Variants in FYB1 observed in about 807,000 individuals in gnomAD.
The protein encoded by FYB1 is FYN binding protein 1.
In FYB1, 41 loss-of-function variants were observed where a neutral mutation model predicts 94.1. The observed-to-expected ratio is 0.44, with a 90% CI of 0.34 to 0.57. FYB1 has a LOEUF of 0.57. FYB1 is among the 20% of genes least tolerant of loss of function. The probability of loss-of-function intolerance (pLI) is 0.02; values close to 1 mark genes in which losing one functional copy is unlikely to be tolerated. For missense variants in FYB1, 1,050 were observed against 976.8 expected (o/e 1.07, Z -1.00); for synonymous variants, 367 against 353.2 (o/e 1.04, Z -0.44).
intron 1 of FYB1, among the ~76,000 whole-genome samples, chr5:39,256,152 T>A (rs1044810064): frequency 1.2e-4 from 18 of 152,208 alleles, no homozygotes; most frequent in Admixed American, 9.2e-4. Flanking sequence ...AATGCAAAAA[T>A]ATGGTGTGTT....
chr5:39,203,876 G>T (rs755867435), intron 1 of FYB1, among the ~76,000 whole-genome samples: 6 of 152,076 alleles, frequency 3.9e-5, no homozygotes, highest in African/African-American at 7.2e-5. Flanking sequence ...TTTTCTCTGT[G>T]AATGTAATCC....
In FYB1 at chr5:39,234,804, A is replaced by G. The variant is rs1310718514; in HGVS notation, c.-27-31817T>C. Among the ~76,000 whole-genome samples, 4 of 151,782 alleles carry G rather than the reference A, an allele frequency of 2.6e-5. No homozygotes were observed. In the East Asian group the frequency reaches 7.7e-4, roughly 29 times the overall value. On this transcript the variant is annotated intron_variant, in intron 1 of 1. Transcript: ENST00000510188. ...AAGTAACAGGAACAGAAAACCAAACACCACATGTTCTTACTCATAAGTGGG... is the reference window on the plus strand; with the variant it reads ...AAGTAACAGGAACAGAAAACCAAACGCCACATGTTCTTACTCATAAGTGGG...
intron 2 of FYB1, among the ~76,000 whole-genome samples, chr5:39,156,317 C>T (rs1743747911): frequency 6.6e-6 from 1 of 152,068 alleles, no homozygotes; most frequent in Admixed American, 6.5e-5. Context: ...TTGAGAAACC[C>T]AGGAAGGGGT....
chr5:39,260,110 A>G (rs1752151278), intron 1 of FYB1, among the ~76,000 whole-genome samples: 1 of 152,234 alleles, frequency 6.6e-6, no homozygotes, highest in African/African-American at 2.4e-5. Context: ...AGGTGATCAG[A>G]GACTAGCTTT....
At chr5:39,227,357 C>A (rs1157459517) in intron 1 of FYB1, among the ~76,000 whole-genome samples, 4 of 152,030 alleles carry the variant, frequency 2.6e-5, no homozygotes. Context: ...ATAGGGGATG[C>A]CAATAGTATT....
At chr5:39,134,634 G>T (rs764406218) in intron 8 of FYB1, among the ~76,000 whole-genome samples, 1 of 152,110 alleles carries the variant, frequency 6.6e-6, no homozygotes, top group Non-Finnish European at 1.5e-5. Flanking sequence ...AATGCTGTTC[G>T]TTCCTCCTGG....
intron 17 of FYB1, among the ~76,000 whole-genome samples, chr5:39,109,542 T>C (rs1322015362): frequency 6.6e-6 from 1 of 152,134 alleles, no homozygotes; most frequent in Non-Finnish European, 1.5e-5. Context: ...GGTATTATGA[T>C]TATTTTTCTT....
Position 39,111,881 on chromosome 5 carries a change from A to G in FYB1, c.2402-1492T>C, listed in dbSNP as rs534413798. On this transcript the variant is annotated intron_variant, in intron 16 of 18. Transcript: ENST00000512982. ...ATTAGAACACGTTGCACCTTCCTTT[A>G]TATTTCAATTAATGCAAAAGTAGCA... Among the ~76,000 whole-genome samples, 3 of 152,062 alleles carry G rather than the reference A, an allele frequency of 2.0e-5. No homozygotes were observed. The East Asian group carries it at 5.8e-4, about 29-fold the overall frequency.
chr5:39,128,063 A>G (rs1740851990), intron 10 of FYB1, among the ~76,000 whole-genome samples: 1 of 152,094 alleles, frequency 6.6e-6, no homozygotes, highest in Non-Finnish European at 1.5e-5. Context: ...CATGAGAAAA[A>G]GTAAACTTAA....
intron 3 of FYB1, among the ~76,000 whole-genome samples, chr5:39,146,556 C>G (rs1742674550): frequency 6.6e-6 from 1 of 152,016 alleles, no homozygotes; most frequent in Non-Finnish European, 1.5e-5. Context: ...ACTTTTATTA[C>G]TAAAGCAAAT....
rs1741090215 is a variant in FYB1, at chr5:39,130,452, T to C, written c.1840+138A>G. On this transcript the variant is annotated intron_variant, in intron 10 of 18. Coordinates refer to ENST00000512982, the MANE Select transcript of FYB1 (RefSeq NM_001465.6). ...AACACATAAAAATGATAAATGCTCATGATGATGGATAGCCTAAATACGCTG... is the reference window on the plus strand; with the variant it reads ...AACACATAAAAATGATAAATGCTCACGATGATGGATAGCCTAAATACGCTG... 3 of 668,780 alleles carry C rather than the reference T, an allele frequency of 4.5e-6. No individual in the cohort carries two copies. In the Admixed American group the frequency reaches 7.7e-5, roughly 17 times the overall value. 41.4% of individuals were successfully genotyped at this position (668,780 alleles called of 1,614,324 possible). A position where few individuals can be genotyped will look rare whatever the true frequency, so the allele number is the denominator to read the frequency against.
chr5:39,175,503 G>A (rs1745639992), intron 2 of FYB1, among the ~76,000 whole-genome samples: 1 of 152,114 alleles, frequency 6.6e-6, no homozygotes, highest in Non-Finnish European at 1.5e-5. Flanking sequence ...CCTTCTTCTG[G>A]GACTTATAAA....
At chr5:39,188,966 A>G (rs573192170) in intron 2 of FYB1, among the ~76,000 whole-genome samples, 1 of 152,328 alleles carries the variant, frequency 6.6e-6, no homozygotes, top group South Asian at 2.1e-4. Context: ...TTCTTATGCA[A>G]CTAGAAGTTT....
intron 1 of FYB1, among the ~76,000 whole-genome samples, chr5:39,235,562 A>C (rs937506478): frequency 1.2e-4 from 18 of 144,658 alleles, no homozygotes; most frequent in African/African-American, 4.9e-4. Flanking sequence ...AATCTAATTA[A>C]ATCTTTACTT....
intron 1 of FYB1, among the ~76,000 whole-genome samples, chr5:39,246,864 G>A (rs1751497776): frequency 6.6e-6 from 1 of 151,958 alleles, no homozygotes; most frequent in Non-Finnish European, 1.5e-5. Context: ...ATAATACAGA[G>A]GGTTAGAGCC....
chr5:39,112,641 G>A (rs2150260293), intron 16 of FYB1, among the ~76,000 whole-genome samples: 2 of 152,088 alleles, frequency 1.3e-5, no homozygotes, highest in Middle Eastern at 6.8e-3. Context: ...AATGTTGCAG[G>A]TTTGGATAAA....
chr5:39,192,572 C>A (rs1048523672), intron 2 of FYB1, among the ~76,000 whole-genome samples: 13 of 152,138 alleles, frequency 8.5e-5, no homozygotes, highest in Non-Finnish European at 1.5e-4. Context: ...CTCTTGATTG[C>A]AGGAAGAGTT....
At chr5:39,238,874 A>C (rs1321893411) in intron 1 of FYB1, among the ~76,000 whole-genome samples, 2 of 152,082 alleles carry the variant, frequency 1.3e-5, no homozygotes, top group Non-Finnish European at 2.9e-5. Flanking sequence ...CACACGTGAA[A>C]ACCTCTTTGT....
chr5:39,117,075 CTCTT>C (rs1739643228), intron 16 of FYB1, among the ~76,000 whole-genome samples: 1 of 152,090 alleles, frequency 6.6e-6, no homozygotes, highest in Admixed American at 6.6e-5. Context: ...GGACAATTCT[CTCTT>C]GTAAAAAATG....
Sources: gnomAD v4.1 joint callset for allele counts (sites outside exome capture counted in the v4.1 genomes callset) on GRCh38, gnomAD v4.1.1 for gene constraint, MANE v1.5 for transcripts, NCBI Gene and HGNC (gene_info 2026-07-23, HGNC 2026-07-21) for gene names.